KLHL22: variants seen among roughly 807,000 people sequenced by gnomAD.
KLHL22 encodes kelch-like protein 22.
KLHL22 carries 18 observed loss-of-function variants against 60.7 expected under a neutral mutation model. The observed-to-expected ratio is 0.30, with a 90% confidence interval of 0.20 to 0.44. KLHL22 has a LOEUF of 0.44. Ranked by LOEUF, KLHL22 falls within the 20% of genes least tolerant of loss-of-function variation. KLHL22 has a pLI of 1.00. For missense variants in KLHL22, 596 were observed against 852.3 expected (o/e 0.70, Z 3.74); for synonymous variants, 355 against 354.5 (o/e 1.00, Z -0.01).
At position 20,485,793 on chromosome 22, in the gene KLHL22, G is replaced by A. The variant is rs745645799; in HGVS notation, c.227+3192C>T. Among the ~76,000 whole-genome samples the A allele has an allele frequency of 9.7e-4, 147 of 151,076 alleles. No individual in the cohort carries two copies. The Middle Eastern group carries it at 0.011, about 11-fold the overall frequency. On this transcript the variant is annotated intron_variant, in intron 2 of 6. Coordinates refer to ENST00000328879, the MANE Select transcript of KLHL22 (RefSeq NM_032775.4). ...TGAGGCAGGAGAATCACTTGAACCC[G>A]GGAGGCAGAGGTTGCAGTGAGCCGA...
chr22:20,489,122 T>C lies in KLHL22; in HGVS notation c.90A>G (p.Ala30=), dbSNP rs1276799082. The C allele has an allele frequency of 1.9e-6, 3 of 1,614,144 alleles. No individual in the cohort carries two copies. In the Admixed American group the frequency reaches 5.0e-5, roughly 27 times the overall value. ...CTCGGAGCAGAGCCTGGGAGTGCTG[T>C]GCGCTGCGGTAGGTGTTGTTCACGC... ...PHCVNNTYRS[A]QHSQALLRGL... is the part of the protein sequence containing the mutation. The change falls in exon 2 of 7, where the codon GCA becomes GCG. Residue 30 remains alanine, a synonymous_variant. Transcript: ENST00000328879.
At chr22:20,463,788 T>A (rs950870077) in intron 4 of KLHL22, among the ~76,000 whole-genome samples, 2 of 152,182 alleles carry the variant, frequency 1.3e-5, no homozygotes, top group African/African-American at 4.8e-5. Context: ...TCTCATCAGC[T>A]TAACAAAGGA....
chr22:20,482,863 A>G lies in KLHL22; in HGVS notation c.227+6122T>C. ...CATTGGTCTCAGACACCACTTTGCC[A>G]TCCATTATCTGGCAGGTGGTGGTCT... On this transcript the variant is annotated intron_variant, in intron 2 of 6. Coordinates refer to ENST00000328879, the MANE Select transcript of KLHL22 (RefSeq NM_032775.4). 3 of 1,242,544 alleles carry G rather than the reference A, an allele frequency of 2.4e-6. 1 individual carries two copies. The South Asian group carries it at 3.6e-5, about 15-fold the overall frequency. The allele number at this position is 1,242,544 out of a possible 1,614,324, so 77.0% of individuals were successfully genotyped here.
intron 5 of KLHL22, chr22:20,450,716 T>C: frequency 7.2e-7 from 1 of 1,392,648 alleles, no homozygotes; most frequent in Admixed American, 1.7e-5. Flanking sequence ...TTTGAGGCTG[T>C]CATCAGTTGG....
At chr22:20,478,766 G>C (rs910142259) in intron 2 of KLHL22, among the ~76,000 whole-genome samples, 23 of 144,520 alleles carry the variant, frequency 1.6e-4, no homozygotes, top group African/African-American at 5.8e-4. Flanking sequence ...CTCCCGCCTC[G>C]GCCTCCCAAA....
At position 20,460,631 on chromosome 22, in the gene KLHL22, A is replaced by C. The variant is rs1340531040; in HGVS notation, c.1113-2631T>G. Reference sequence around the variant, plus strand: ...CCCCCAAAAAAAAAAAAAAAAAAAAAAAAAAAAAAAAAAAAAGACACCAAC... The same window carrying C: ...CCCCCAAAAAAAAAAAAAAAAAAAACAAAAAAAAAAAAAAAAGACACCAAC... On this transcript the variant is annotated intron_variant, in intron 4 of 6. Coordinates refer to ENST00000328879, the MANE Select transcript of KLHL22 (RefSeq NM_032775.4). 1.4e-3 allele frequency among the ~76,000 whole-genome samples: 203 copies of C among 148,106 alleles called. 2 individuals are homozygous for C. The highest frequency in any genetic ancestry group is 4.4e-3 in the African/African-American group (180 of 40,680).
At chr22:20,493,042 T>C (rs2053715607) in intron 1 of KLHL22, 2 of 411,522 alleles carry the variant, frequency 4.9e-6, no homozygotes, top group African/African-American at 2.1e-5. Context: ...ACGCCTCAGC[T>C]TTCTCATCAC....
chr22:20,483,223 G>A (rs1379351146), intron 2 of KLHL22: 3 of 674,578 alleles, frequency 4.4e-6, no homozygotes, highest in Non-Finnish European at 8.2e-6. Flanking sequence ...CTCCGTGATT[G>A]TCATCTCAGC....
chr22:20,474,935 C>G (rs2053385705), intron 2 of KLHL22, among the ~76,000 whole-genome samples: 1 of 152,188 alleles, frequency 6.6e-6, no homozygotes, highest in Non-Finnish European at 1.5e-5. Context: ...GCACCCTCTA[C>G]CCCCAACCCA....
intron 2 of KLHL22, among the ~76,000 whole-genome samples, chr22:20,477,480 T>C (rs2053433525): frequency 6.6e-6 from 1 of 152,036 alleles, no homozygotes; most frequent in Admixed American, 6.6e-5. Context: ...GTGGCACGCA[T>C]CCATAATTCC....
chr22:20,459,603 T>C (rs1048582474), intron 4 of KLHL22, among the ~76,000 whole-genome samples: 4 of 152,254 alleles, frequency 2.6e-5, no homozygotes, highest in Admixed American at 2.0e-4. Flanking sequence ...GGGGTTCTGA[T>C]GGATCATGGT....
intron 5 of KLHL22, among the ~76,000 whole-genome samples, chr22:20,449,582 G>A (rs894528279): frequency 6.6e-6 from 1 of 151,780 alleles, no homozygotes; most frequent in African/African-American, 2.4e-5. Flanking sequence ...TGTAGTTTTA[G>A]TAGAGATGGG....
At chr22:20,483,354 G>A (rs2053535957) in intron 2 of KLHL22, 8 of 743,320 alleles carry the variant, frequency 1.1e-5, no homozygotes, top group Non-Finnish European at 1.5e-5. Context: ...GAGCCTGGAT[G>A]TCTGCCACGA....
Position 20,489,021 on chromosome 22 carries a change from T to C in KLHL22, c.191A>G (p.His64Arg). 1 of 1,614,048 alleles carries C rather than the reference T, an allele frequency of 6.2e-7. No individual in the cohort carries two copies. Among genetic ancestry groups the C allele is most frequent in the South Asian group, 1.1e-5 (1 of 91,076 alleles). ...GCAGGACGCAGCCAGCAGGATGCGA[T>C]GGGCCTCGATGTGTCTGCCCTCCAC... ...LVVEGRHIEA[H>R]RILLAASCDY... The change falls in exon 2 of 7, where the codon CAT becomes CGT. Residue 64 changes from histidine to arginine, a missense_variant. By Grantham distance (29) the His-to-Arg change is conservative (BLOSUM62 0). Coordinates refer to ENST00000328879, the MANE Select transcript of KLHL22 (RefSeq NM_032775.4).
chr22:20,476,282 G>A (rs550089170), intron 2 of KLHL22, among the ~76,000 whole-genome samples: 17 of 152,198 alleles, frequency 1.1e-4, no homozygotes, highest in African/African-American at 2.6e-4. Context: ...GACTGTGCTC[G>A]TGCATGTACT....
At chr22:20,444,712 T>C (rs1240649420) in intron 6 of KLHL22, among the ~76,000 whole-genome samples, 1 of 152,110 alleles carries the variant, frequency 6.6e-6, no homozygotes, top group African/African-American at 2.4e-5. Context: ...GAAGATTGAG[T>C]GTTAATCTGG....
intron 3 of KLHL22, among the ~76,000 whole-genome samples, chr22:20,471,094 G>A (rs2053318685): frequency 2.0e-5 from 3 of 152,206 alleles, no homozygotes; most frequent in Admixed American, 6.5e-5. Context: ...CAATGACAGG[G>A]AGACTCAGAC....
chr22:20,466,180 C>A (rs1052804567), intron 3 of KLHL22, among the ~76,000 whole-genome samples: 2 of 151,914 alleles, frequency 1.3e-5, no homozygotes, highest in African/African-American at 2.4e-5. Flanking sequence ...TTGAGACCAG[C>A]CTGACCAACA....
In KLHL22 at chr22:20,465,028, G is replaced by A; in HGVS notation, c.942C>T (p.Leu314=). The part of the protein sequence containing the change: ...GGIHSTPSTV[L]SDQAKYLNPL... ...GGTTTAGATACTTGGCCTGGTCGCTGAGGACAGTGGACGGCGTGGAGTGAA... is the reference window on the plus strand; with the variant it reads ...GGTTTAGATACTTGGCCTGGTCGCTAAGGACAGTGGACGGCGTGGAGTGAA... Residue 314 remains leucine (L), a synonymous_variant, in exon 4 of 7, where the codon CTC becomes CTT. Coordinates refer to ENST00000328879, the MANE Select transcript of KLHL22 (RefSeq NM_032775.4). This position sits in a 1 kb window ranked among gnomAD's most constrained non-coding sequence, Gnocchi z 4.9. 1.9e-6 allele frequency: 3 copies of A among 1,611,530 alleles called. No individual in the cohort carries two copies. The highest frequency in any genetic ancestry group is 1.7e-6 in the Non-Finnish European group (2 of 1,178,668).
Sources: gnomAD v4.1 joint callset for allele counts (sites outside exome capture counted in the v4.1 genomes callset) on GRCh38, gnomAD v4.1.1 for gene constraint, Gnocchi (gnomAD v3.1) non-coding constraint, MANE v1.5 for transcripts, NCBI Gene and HGNC (gene_info 2026-07-23, HGNC 2026-07-21) for gene names.